The following KATNAL2 variants were observed in gnomAD, a reference collection of about 807,000 sequenced individuals.
KATNAL2 encodes katanin catalytic subunit A1 like 2, also known as katanin p60 ATPase-containing subunit A-like 2.
Under a neutral mutation model 76.3 loss-of-function variants are expected in KATNAL2, and 52 were observed. The observed-to-expected ratio is 0.68, with a 90% CI of 0.55 to 0.86. The LOEUF (loss-of-function observed/expected upper bound fraction) is 0.86. Ranked by LOEUF, KATNAL2 falls within the 40% of genes least tolerant of loss-of-function variation. KATNAL2 has a pLI of 0.00. For synonymous variants in KATNAL2, 243 were observed against 244.2 expected (o/e 1.00, Z 0.05); for missense variants, 660 against 668.9 (o/e 0.99, Z 0.15).
intron 3 of KATNAL2, among the ~76,000 whole-genome samples, chr18:46,961,465 G>A (rs1261349706): frequency 3.9e-5 from 6 of 152,314 alleles, no homozygotes; most frequent in South Asian, 4.1e-4. Context: ...ATAAACAAAG[G>A]TAGCAACAAA....
At chr18:47,038,203 AACATTGCTC>A (rs1232163660) in intron 3 of KATNAL2, among the ~76,000 whole-genome samples, 1 of 152,218 alleles carries the variant, frequency 6.6e-6, no homozygotes, top group Admixed American at 6.5e-5. Context: ...AAGTATGATC[AACATTGCTC>A]AGATTTGTTT....
At chr18:46,932,295 G>A (rs192523019) in intron 1 of KATNAL2, among the ~76,000 whole-genome samples, 1 of 152,242 alleles carries the variant, frequency 6.6e-6, no homozygotes, top group East Asian at 1.9e-4. Flanking sequence ...AGATTCTGCA[G>A]AAATTTTAAA....
chr18:47,099,441 G>T (rs750852101), intron 16 of KATNAL2, 36 bp downstream of exon 16: 2 of 1,565,956 alleles, frequency 1.3e-6, no homozygotes, highest in Admixed American at 3.7e-5. Flanking sequence ...TGTAGGTCAA[G>T]GGCCCACCAT....
Position 47,071,955 on chromosome 18 carries a change from T to TC in KATNAL2, c.1008+2355_1008+2356insC, listed in dbSNP as rs1402682314. 5.4e-3 allele frequency among the ~76,000 whole-genome samples: 98 copies of TC among 18,264 alleles called. 15 individuals carry two copies. The highest frequency in any genetic ancestry group is 0.01 in the Non-Finnish European group (80 of 7,786). 12.0% of individuals were successfully genotyped at this position (18,264 alleles called of 152,430 possible). The stretch of plus-strand genomic sequence containing the variant: ...AACAATTCCTCTCCCAATTTCTTCT[T>TC]TTTTTTTTTTTTTTTTTTTTTTTTT... On this transcript the variant is annotated intron_variant, in intron 13 of 17. Transcript: ENST00000683218.
chr18:46,937,634 C>A (rs2059132003), intron 1 of KATNAL2, among the ~76,000 whole-genome samples: 1 of 152,082 alleles, frequency 6.6e-6, no homozygotes, highest in African/African-American at 2.4e-5. Context: ...TTTCTGAGTT[C>A]TATGACCTGA....
rs1274466850 is a variant in KATNAL2 at position 47,075,799 on chromosome 18, G to A, written c.1100+431G>A. On this transcript the variant is annotated intron_variant, in intron 14 of 17. Transcript: ENST00000683218. ...ACTTCACTCCTGAGAGGCAGTCCTC[G>A]ACGGTGTGTGAAGCCTGGGAAAACA... Among the ~76,000 whole-genome samples, 6 of 152,338 alleles carry A rather than the reference G, an allele frequency of 3.9e-5. No individual in the cohort carries two copies. The South Asian group carries it at 8.3e-4, about 21-fold the overall frequency.
chr18:47,077,275 A>T, intron 14 of KATNAL2, 76 bp from the exon 15 acceptor site: 1 of 1,077,702 alleles, frequency 9.3e-7, no homozygotes, highest in Non-Finnish European at 1.4e-6. Context: ...TCACAGGGAC[A>T]TTGCTGTGAA....
intron 1 of KATNAL2, among the ~76,000 whole-genome samples, chr18:46,941,865 G>A (rs897322392): frequency 6.6e-6 from 1 of 152,164 alleles, no homozygotes; most frequent in Admixed American, 6.6e-5. Flanking sequence ...TACTTCTATA[G>A]AAGGGTGCCT....
At chr18:46,960,235 T>A (rs1238632877) in intron 3 of KATNAL2, among the ~76,000 whole-genome samples, 2 of 152,074 alleles carry the variant, frequency 1.3e-5, no homozygotes, top group African/African-American at 4.8e-5. Flanking sequence ...GTCAGGCATT[T>A]GAGACTAATC....
intron 4 of KATNAL2, 90 bp downstream of exon 4, chr18:47,046,617 T>C (rs2061165261): frequency 2.2e-6 from 2 of 926,370 alleles, no homozygotes; most frequent in Non-Finnish European, 3.3e-6. Flanking sequence ...CAATAGACTT[T>C]CTTGTTTAGA....
intron 8 of KATNAL2, among the ~76,000 whole-genome samples, chr18:47,061,679 T>C (rs1457155898): frequency 2.0e-5 from 3 of 152,148 alleles, no homozygotes; most frequent in Non-Finnish European, 2.9e-5. Context: ...CTGGCTCAGA[T>C]GCTCCCCCAC....
chr18:46,937,719 T>C (rs72917161), intron 1 of KATNAL2, among the ~76,000 whole-genome samples: 11,700 of 152,264 alleles, frequency 0.077, 485 homozygotes, highest in African/African-American at 0.1. Flanking sequence ...TACAAGGATA[T>C]TTATTGCATC....
intron 1 of KATNAL2, among the ~76,000 whole-genome samples, chr18:46,924,910 T>A (rs1308485487): frequency 2.0e-5 from 3 of 152,180 alleles, no homozygotes; most frequent in Non-Finnish European, 2.9e-5. Context: ...TAAGAATGCT[T>A]GCGATTTTTG....
intron 1 of KATNAL2, among the ~76,000 whole-genome samples, chr18:46,922,392 C>T (rs902895045): frequency 6.6e-5 from 10 of 151,954 alleles, no homozygotes; most frequent in East Asian, 5.8e-4. Context: ...CCGCTGCTCC[C>T]GGCCTCAACT....
intron 1 of KATNAL2, among the ~76,000 whole-genome samples, chr18:46,932,454 T>TACC (rs1157614818): frequency 6.6e-6 from 1 of 151,592 alleles, no homozygotes; most frequent in African/African-American, 2.4e-5. Context: ...GCGAGTGGAT[T>TACC]ACCTGAGGTC....
At chr18:46,945,291 G>C (rs1961226439) in intron 1 of KATNAL2, among the ~76,000 whole-genome samples, 1 of 152,206 alleles carries the variant, frequency 6.6e-6, no homozygotes, top group African/African-American at 2.4e-5. Context: ...GTGGAATCAG[G>C]AACTAATTTG....
chr18:46,931,092 T>A (rs1389161963), intron 1 of KATNAL2, among the ~76,000 whole-genome samples: 1 of 127,006 alleles, frequency 7.9e-6, no homozygotes, highest in Non-Finnish European at 1.7e-5. Flanking sequence ...AGAGTGAGAC[T>A]CCGTCTCAGG....
rs1254932588 is a variant in KATNAL2, at chr18:47,077,462, G to T, written c.1211+1G>T. ...TCTTAGCAGCTTCTAACCTGCCGTG[G>T]TAAGAGACCAAGAGAGTAAATTTTG... On this transcript the variant is annotated splice_donor_variant, in intron 15 of 17. Transcript: ENST00000683218. LOFTEE classifies it high-confidence loss of function. 1 of 1,607,216 alleles carries T rather than the reference G, an allele frequency of 6.2e-7. No homozygotes were observed. The highest frequency in any genetic ancestry group is 8.5e-7 in the Non-Finnish European group (1 of 1,173,798).
intron 3 of KATNAL2, among the ~76,000 whole-genome samples, chr18:47,040,096 T>TA (rs1419877034): frequency 3.3e-5 from 5 of 152,224 alleles, no homozygotes; most frequent in Admixed American, 2.0e-4. Flanking sequence ...ATTCAGCAAT[T>TA]AAAAGACATA....
Sources: gnomAD v4.1 joint callset for allele counts (sites outside exome capture counted in the v4.1 genomes callset) on GRCh38, gnomAD v4.1.1 for gene constraint, MANE v1.5 for transcripts, NCBI Gene and HGNC (gene_info 2026-07-23, HGNC 2026-07-21) for gene names.